Variants in ZFP14 observed in about 807,000 individuals in gnomAD.
ZFP14 encodes the protein zinc finger protein 14 homolog.
A neutral mutation model predicts 54.5 loss-of-function variants in ZFP14; 22 were observed. That is an observed-to-expected ratio of 0.40 (90% CI 0.29 to 0.58). ZFP14 has a LOEUF of 0.58. Ranked by LOEUF, ZFP14 falls within the 20% of genes least tolerant of loss-of-function variation. The pLI is 0.39. For missense variants in ZFP14, 470 were observed against 637.8 expected, an observed-to-expected ratio of 0.74 and a Z score of 2.83; for synonymous variants, 159 against 204.0, an observed-to-expected ratio of 0.78 and a Z score of 1.88.
intron 4 of ZFP14, among the ~76,000 whole-genome samples, chr19:36,348,945 G>A (rs1345180813): frequency 2.0e-5 from 3 of 152,012 alleles, no homozygotes; most frequent in Non-Finnish European, 4.4e-5. Flanking sequence ...AAGAAGAGGA[G>A]GGCTGGGCAC....
intron 4 of ZFP14, among the ~76,000 whole-genome samples, chr19:36,356,158 G>C (rs1279346865): frequency 9.9e-6 from 1 of 100,938 alleles, no homozygotes; most frequent in African/African-American, 3.5e-5. Context: ...AATGGGGCTG[G>C]GCGCAGTAGC....
At chr19:36,343,610 G>C (rs2031361368) in intron 4 of ZFP14, among the ~76,000 whole-genome samples, 1 of 152,146 alleles carries the variant, frequency 6.6e-6, no homozygotes, top group Admixed American at 6.6e-5. Context: ...TCTGAAAATG[G>C]ATAATTTATA....
intron 3 of ZFP14, 151 bp downstream of exon 3, chr19:36,361,961 G>A: frequency 2.5e-6 from 2 of 795,494 alleles, no homozygotes; most frequent in Non-Finnish European, 1.9e-6. Flanking sequence ...ATAGCAGACT[G>A]GACATGATGA....
intron 4 of ZFP14, among the ~76,000 whole-genome samples, chr19:36,349,215 G>A (rs1326120888): frequency 1.1e-3 from 49 of 42,846 alleles, no homozygotes; most frequent in African/African-American, 3.2e-3. Flanking sequence ...TGGGCTATAA[G>A]AGGGGAACTC....
rs557015141 is a variant in ZFP14 at position 36,368,365 on chromosome 19, G to A, written c.-79-394C>T. 3.3e-5 allele frequency among the ~76,000 whole-genome samples: 5 copies of A among 152,340 alleles called. No homozygotes were observed. The East Asian group carries it at 9.7e-4, about 29-fold the overall frequency. On this transcript the variant is annotated intron_variant, in intron 1 of 4. Transcript: ENST00000270001. ...TGCTTGTAATCCCAGCTACTCGGGA[G>A]GCTGAGGCAGGAGAATCGCTTGAAC...
intron 4 of ZFP14, among the ~76,000 whole-genome samples, chr19:36,347,386 G>T (rs2031436765): frequency 6.6e-6 from 1 of 152,072 alleles, no homozygotes; most frequent in Admixed American, 6.6e-5. Flanking sequence ...GAGGAGGGTG[G>T]ATTGCTTGAG....
In ZFP14 at chr19:36,336,258, T is replaced by C. The variant is rs2031193730; in HGVS notation, c.*3966A>G. On this transcript the variant is annotated 3_prime_UTR_variant, in exon 5 of 5. Transcript: ENST00000270001. Reference sequence around the variant, plus strand: ...TGTTCCTTTTTTTTTTTTTTTTTTTTTGACAGACTCTTGCTCTGTTACCCA... The same window carrying C: ...TGTTCCTTTTTTTTTTTTTTTTTTTCTGACAGACTCTTGCTCTGTTACCCA... The C allele has an allele frequency of 6.8e-6, 1 of 147,834 alleles. No individual in the cohort carries two copies. Among genetic ancestry groups the C allele is most frequent in the South Asian group, 2.2e-4 (1 of 4,572 alleles). The allele number at this position is 147,834 out of a possible 1,614,324, so 9.2% of individuals were successfully genotyped here.
rs1025729218 is a variant in ZFP14, at chr19:36,337,850, A to C, written c.*2374T>G. The C allele has an allele frequency of 6.6e-6, 1 of 152,200 alleles. No homozygotes were observed. The highest frequency in any genetic ancestry group is 1.5e-5 in the Non-Finnish European group (1 of 68,050). The allele number at this position is 152,200 out of a possible 1,614,324, so 9.4% of individuals were successfully genotyped here. ...ATAGATCCACCATAAAAATCTCGCT[A>C]TAAAATATTTCACCTATTAGTTGTA... is the stretch of plus-strand genomic sequence containing the variant. On this transcript the variant is annotated 3_prime_UTR_variant, in exon 5 of 5. Transcript: ENST00000270001.
rs1418706086 is a variant in ZFP14, at chr19:36,334,959, C to T, written c.*5265G>A. 1 of 152,158 alleles carries T rather than the reference C, an allele frequency of 6.6e-6. No individual in the cohort carries two copies. The highest frequency in any genetic ancestry group is 2.4e-5 in the African/African-American group (1 of 41,438). The allele number at this position is 152,158 out of a possible 1,614,324, so 9.4% of individuals were successfully genotyped here. ...GCAAAATCTCAGCTCACTGCAATCT[C>T]CATTTCCTGGGTTCAAGCAATTCTC... On this transcript the variant is annotated 3_prime_UTR_variant, in exon 5 of 5. Coordinates refer to ENST00000270001, the MANE Select transcript of ZFP14 (RefSeq NM_020917.3).
chr19:36,372,941 A>T (rs944998562), intron 1 of ZFP14, among the ~76,000 whole-genome samples: 18 of 152,226 alleles, frequency 1.2e-4, no homozygotes, highest in African/African-American at 4.1e-4. Flanking sequence ...CCAGAAACAG[A>T]AAGATAAACA....
At chr19:36,374,489 CAAAAAAA>C (rs398034483) in intron 1 of ZFP14, among the ~76,000 whole-genome samples, 3 of 70,534 alleles carry the variant, frequency 4.3e-5, no homozygotes, top group East Asian at 1.0e-3. Flanking sequence ...GACTCTGTCT[CAAAAAAA>C]AAAAAAAAAA....
At chr19:36,342,537 A>G (rs971603767) in intron 4 of ZFP14, among the ~76,000 whole-genome samples, 7 of 152,184 alleles carry the variant, frequency 4.6e-5, no homozygotes, top group African/African-American at 1.7e-4. Flanking sequence ...AATAGTTGAC[A>G]TCTAAAGGGA....
At chr19:36,359,746 C>T (rs2031679148) in intron 4 of ZFP14, among the ~76,000 whole-genome samples, 1 of 152,058 alleles carries the variant, frequency 6.6e-6, no homozygotes, top group African/African-American at 2.4e-5. Flanking sequence ...CCTCCGCCTC[C>T]CGGGTTCAAG....
In ZFP14 at chr19:36,335,980, C is replaced by G. The variant is rs889628675; in HGVS notation, c.*4244G>C. The G allele has an allele frequency of 3.9e-5, 6 of 152,008 alleles. No homozygotes were observed. Among genetic ancestry groups the G allele is most frequent in the African/African-American group, 1.5e-4 (6 of 41,376 alleles). 9.4% of individuals were successfully genotyped at this position (152,008 alleles called of 1,614,324 possible). A position where few individuals can be genotyped will look rare whatever the true frequency, so the allele number is the denominator to read the frequency against. On this transcript the variant is annotated 3_prime_UTR_variant, in exon 5 of 5. Transcript: ENST00000270001. ...GAACTCCTGACTTCAAGTGATCCACCCACCTCGGCCTCCCAAAGTGCTGGG... is the reference window on the plus strand; with the variant it reads ...GAACTCCTGACTTCAAGTGATCCACGCACCTCGGCCTCCCAAAGTGCTGGG...
chr19:36,342,107 G>A (rs941609930), intron 4 of ZFP14, among the ~76,000 whole-genome samples: 15 of 150,812 alleles, frequency 9.9e-5, no homozygotes, highest in Admixed American at 9.3e-4. Context: ...CACCCACCTC[G>A]GCCTCCCAAA....
At chr19:36,354,033 C>T (rs560885882) in intron 4 of ZFP14, among the ~76,000 whole-genome samples, 2 of 132,262 alleles carry the variant, frequency 1.5e-5, no homozygotes, top group African/African-American at 2.8e-5. Context: ...CATGATCACA[C>T]CACTGCACTC....
chr19:36,360,648 C>T (rs374120995), intron 3 of ZFP14, 115 bp from the exon 4 acceptor site: 3 of 866,138 alleles, frequency 3.5e-6, no homozygotes, highest in South Asian at 4.6e-5. Flanking sequence ...AGCCTAGGAG[C>T]GAAGAATTGC....
chr19:36,343,374 G>T (rs954319522), intron 4 of ZFP14, among the ~76,000 whole-genome samples: 1 of 152,098 alleles, frequency 6.6e-6, no homozygotes, highest in African/African-American at 2.4e-5. Context: ...ATAGCATACT[G>T]GCCTCTTTCA....
At chr19:36,366,621 T>G (rs779815909) in intron 2 of ZFP14, among the ~76,000 whole-genome samples, 5 of 152,164 alleles carry the variant, frequency 3.3e-5, no homozygotes, top group Admixed American at 6.5e-5. Context: ...CTGCCCCACT[T>G]GAACAAGGTT....
Sources: allele counts gnomAD v4.1 joint callset (sites outside exome capture counted in the v4.1 genomes callset), GRCh38; gene constraint gnomAD v4.1.1; transcripts MANE v1.5; gene names NCBI Gene and HGNC (gene_info 2026-07-23, HGNC 2026-07-21).